TTC23L: variants seen among roughly 807,000 people sequenced by gnomAD.
The protein encoded by TTC23L is tetratricopeptide repeat protein 23-like.
In TTC23L, 42 loss-of-function variants were observed where a neutral mutation model predicts 48.1. The ratio of observed to expected loss-of-function variants is 0.87; its 90% CI spans 0.68 to 1.13. The LOEUF is 1.13. Among genes scored for constraint, TTC23L ranks in the 50% most tolerant of loss-of-function variants. The pLI, the probability that TTC23L is intolerant of heterozygous loss-of-function variation, is 0.00. For synonymous variants in TTC23L, 159 were observed against 157.2 expected, an observed-to-expected ratio of 1.01 and a Z score of -0.09; for missense variants, 391 against 421.0, an observed-to-expected ratio of 0.93 and a Z score of 0.62.
chr5:34,887,033 C>T (rs188580954), intron 9 of TTC23L, among the ~76,000 whole-genome samples: 1 of 152,220 alleles, frequency 6.6e-6, no homozygotes, highest in East Asian at 1.9e-4. Flanking sequence ...CTACATAAAA[C>T]CTAAGTTTAT....
At chr5:34,923,046 A>C in the TTC23L span, 1 of 1,554,976 alleles carries the variant, frequency 6.4e-7, no homozygotes, top group Non-Finnish European at 8.9e-7. Flanking sequence ...AGAACTCTTA[A>C]TTCAGGTAAA....
chr5:34,876,739 C>T (rs1310831920), intron 8 of TTC23L, among the ~76,000 whole-genome samples: 2 of 152,054 alleles, frequency 1.3e-5, no homozygotes, highest in African/African-American at 4.8e-5. Flanking sequence ...GCCAACATTA[C>T]CCTAATTCCA....
intron 9 of TTC23L, among the ~76,000 whole-genome samples, chr5:34,890,943 G>T (rs1241378759): frequency 3.3e-5 from 5 of 152,152 alleles, no homozygotes; most frequent in African/African-American, 1.2e-4. Flanking sequence ...TCAGCTCTCT[G>T]ACCTAGGTGA....
chr5:34,925,046 A>G, the TTC23L span: 2 of 1,544,968 alleles, frequency 1.3e-6, no homozygotes, highest in Non-Finnish European at 1.7e-6. Flanking sequence ...CTGTGAAGTA[A>G]TTGCTGTTTT....
chr5:34,842,192 A>G (rs1018416604), intron 2 of TTC23L, among the ~76,000 whole-genome samples: 4 of 152,276 alleles, frequency 2.6e-5, no homozygotes, highest in Non-Finnish European at 5.9e-5. Context: ...TTCAATATAT[A>G]CAAAATATGC....
chr5:34,853,255 G>A (rs777871594), intron 4 of TTC23L, among the ~76,000 whole-genome samples: 1 of 152,176 alleles, frequency 6.6e-6, no homozygotes, highest in Non-Finnish European at 1.5e-5. Context: ...TAGTGGCTGG[G>A]TGTGGTGACT....
At chr5:34,854,677 T>G (rs536693075) in intron 4 of TTC23L, among the ~76,000 whole-genome samples, 1 of 152,362 alleles carries the variant, frequency 6.6e-6, no homozygotes, top group South Asian at 2.1e-4. Context: ...CAGCCCTGCT[T>G]TGCTCATTTC....
chr5:34,876,217 AAAG>A (rs1474862009), intron 8 of TTC23L, among the ~76,000 whole-genome samples: 1 of 152,206 alleles, frequency 6.6e-6, no homozygotes, highest in African/African-American at 2.4e-5. Flanking sequence ...GAAGCTAGAA[AAAG>A]AAGAGCAAAT....
intron 1 of TTC23L, chr5:34,839,513 C>A (rs1758414200): frequency 2.1e-6 from 1 of 486,828 alleles, no homozygotes; most frequent in Non-Finnish European, 2.7e-6. Context: ...CAGGGCCGTG[C>A]GGAACGTCAT....
exon 9 of TTC23L, chr5:34,880,250 A>G: frequency 6.2e-7 from 1 of 1,613,684 alleles, no homozygotes; most frequent in Non-Finnish European, 8.5e-7. Context: ...GAGGATTTTG[A>G]AACACTGAGC....
chr5:34,894,773 A>G (rs1055747039), intron 9 of TTC23L, among the ~76,000 whole-genome samples: 1 of 152,170 alleles, frequency 6.6e-6, no homozygotes, highest in African/African-American at 2.4e-5. Context: ...TGATAATAAT[A>G]TAATATCTAC....
chr5:34,856,210 G>A (rs1432729740), intron 4 of TTC23L, among the ~76,000 whole-genome samples: 2 of 152,320 alleles, frequency 1.3e-5, no homozygotes, highest in African/African-American at 4.8e-5. Flanking sequence ...GAATCCACAA[G>A]TTGAGAATCG....
Position 34,846,573 on chromosome 5 carries a change from AAAAAT to A in TTC23L, c.255+902_255+906del, listed in dbSNP as rs1202682133. On this transcript the variant is annotated intron_variant, in intron 3 of 10. Transcript: ENST00000505624. Reference sequence around the variant, plus strand: ...CTAGACTCTGTCTCAAAAAAAAAAAAAAAATATATATATATATATATATATATACA... The same window carrying A: ...CTAGACTCTGTCTCAAAAAAAAAAAAATATATATATATATATATATATACA... Among the ~76,000 whole-genome samples the A allele has an allele frequency of 6.1e-5, 7 of 114,704 alleles. 1 individual carries two copies. The highest frequency in any genetic ancestry group is 2.4e-4 in the African/African-American group (6 of 24,554). The allele number at this position is 114,704 out of a possible 152,430, so 75.3% of individuals were successfully genotyped here.
chr5:34,879,895 C>G (rs1435091320), intron 8 of TTC23L, among the ~76,000 whole-genome samples: 1 of 151,982 alleles, frequency 6.6e-6, no homozygotes, highest in Non-Finnish European at 1.5e-5. Flanking sequence ...ACTCGGGTGG[C>G]TGAGACAGGA....
intron 8 of TTC23L, among the ~76,000 whole-genome samples, chr5:34,873,206 TTAAAC>T (rs1761593338): frequency 6.6e-6 from 1 of 152,214 alleles, no homozygotes; most frequent in Non-Finnish European, 1.5e-5. Context: ...TAGGTAAACA[TTAAAC>T]TACAAAGTAA....
At chr5:34,849,226 T>G (rs914476609) in intron 3 of TTC23L, among the ~76,000 whole-genome samples, 1 of 152,136 alleles carries the variant, frequency 6.6e-6, no homozygotes, top group African/African-American at 2.4e-5. Context: ...TTCCATGTAG[T>G]TTTCCTAATA....
chr5:34,915,689 G>T, the TTC23L span: 1 of 1,535,574 alleles, frequency 6.5e-7, no homozygotes, highest in South Asian at 1.3e-5. Context: ...GGAAATAGGA[G>T]CGAGCGGCAG....
the TTC23L span, among the ~76,000 whole-genome samples, chr5:34,911,985 G>C: frequency 0.03 from 4,620 of 152,240 alleles, 105 homozygotes; most frequent in Non-Finnish European, 0.045. Flanking sequence ...TGTGTGTAGA[G>C]AATTCCAAAA....
At chr5:34,924,215 G>A in the TTC23L span, among the ~76,000 whole-genome samples, 4 of 152,174 alleles carry the variant, frequency 2.6e-5, no homozygotes, top group African/African-American at 9.7e-5. Flanking sequence ...TGAAGAGGTG[G>A]AAGAGAACAG....
Sources: gnomAD v4.1 joint callset for allele counts (sites outside exome capture counted in the v4.1 genomes callset) on GRCh38, gnomAD v4.1.1 for gene constraint, MANE v1.5 for transcripts, NCBI Gene and HGNC (gene_info 2026-07-23, HGNC 2026-07-21) for gene names.